The following CDKL1 variants were observed in gnomAD, a reference collection of about 807,000 sequenced individuals.
CDKL1 encodes the protein cyclin dependent kinase like 1.
Under a neutral mutation model 42.0 loss-of-function variants are expected in CDKL1, and 41 were observed. The ratio of observed to expected loss-of-function variants is 0.98; its 90% CI spans 0.76 to 1.27. The LOEUF is 1.27. CDKL1 is among the 50% of genes most tolerant of loss of function. The pLI is 0.00. For missense variants in CDKL1, 394 were observed against 428.4 expected (o/e 0.92, Z 0.71); for synonymous variants, 153 against 158.6 (o/e 0.96, Z 0.26).
At chr14:50,350,231 T>C (rs2033860976) in intron 3 of CDKL1, among the ~76,000 whole-genome samples, 1 of 152,180 alleles carries the variant, frequency 6.6e-6, no homozygotes, top group African/African-American at 2.4e-5. Flanking sequence ...GTTCTTAAAA[T>C]TGTAGCCCGT....
chr14:50,350,422 G>T (rs1244206909), intron 3 of CDKL1, among the ~76,000 whole-genome samples: 1 of 152,198 alleles, frequency 6.6e-6, no homozygotes, highest in Non-Finnish European at 1.5e-5. Flanking sequence ...TCAAAAGCAA[G>T]CTCTCCTTTC....
At chr14:50,381,080 C>CA (rs1391863506) in intron 2 of CDKL1, among the ~76,000 whole-genome samples, 2 of 152,206 alleles carry the variant, frequency 1.3e-5, no homozygotes, top group African/African-American at 4.8e-5. Flanking sequence ...AGCCCTTGGG[C>CA]ACTGCTCTGC....
Position 50,343,274 on chromosome 14 carries a change from G to T in CDKL1, c.364-1052C>A, listed in dbSNP as rs1280944014. On this transcript the variant is annotated intron_variant, in intron 4 of 9. Coordinates refer to ENST00000395834, the MANE Select transcript of CDKL1 (RefSeq NM_004196.7). ...ATGCTAGATCGTTTGCAACCTGAGA[G>T]ACCCTCTTTGGCCTGCAGCCTGAAA... 2.0e-5 allele frequency among the ~76,000 whole-genome samples: 3 copies of T among 150,128 alleles called. No individual in the cohort carries two copies. The South Asian group carries it at 6.3e-4, about 31-fold the overall frequency.
At chr14:50,389,014 G>A (rs892742274) in intron 2 of CDKL1, among the ~76,000 whole-genome samples, 5 of 148,258 alleles carry the variant, frequency 3.4e-5, no homozygotes, top group South Asian at 4.3e-4. Context: ...CAGGATAATC[G>A]CTTGAACCCA....
chr14:50,343,945 A>G (rs530815597), intron 4 of CDKL1, among the ~76,000 whole-genome samples: 1 of 152,378 alleles, frequency 6.6e-6, no homozygotes, highest in East Asian at 1.9e-4. Flanking sequence ...CAGCATCAGG[A>G]AAAATCATTT....
intron 2 of CDKL1, 23 bp downstream of exon 2, chr14:50,395,678 A>G (rs1407661916): frequency 6.4e-7 from 1 of 1,552,442 alleles, no homozygotes; most frequent in East Asian, 2.2e-5. Flanking sequence ...AAAAAGAAAA[A>G]AAAGGAAAAG....
intron 2 of CDKL1, among the ~76,000 whole-genome samples, chr14:50,359,662 G>A (rs1043094090): frequency 9.9e-5 from 15 of 151,912 alleles, no homozygotes; most frequent in Admixed American, 9.2e-4. Flanking sequence ...ATATACGAAC[G>A]ACGGCATCAG....
At chr14:50,379,097 C>T (rs1325934328) in intron 2 of CDKL1, among the ~76,000 whole-genome samples, 1 of 152,188 alleles carries the variant, frequency 6.6e-6, no homozygotes, top group African/African-American at 2.4e-5. Context: ...AGTGATCTGC[C>T]CGCCTCAGTC....
chr14:50,373,538 CT>C (rs375511606), intron 2 of CDKL1, among the ~76,000 whole-genome samples: 138 of 152,244 alleles, frequency 9.1e-4, no homozygotes, highest in Middle Eastern at 3.4e-3. Context: ...ACTGCTATAA[CT>C]TTTTTGGGAA....
chr14:50,380,079 T>C (rs1317274326), intron 2 of CDKL1: 1 of 496,382 alleles, frequency 2.0e-6, no homozygotes, highest in Non-Finnish European at 4.2e-6. Context: ...TTGGCATAGG[T>C]ATGCTTAACA....
upstream of CDKL1, chr14:50,397,278 A>T (rs777638535): frequency 2.6e-5 from 35 of 1,365,552 alleles, 1 homozygote; most frequent in South Asian, 3.9e-4. Context: ...TGTGCTGATC[A>T]GTGCTGCGGC....
intron 3 of CDKL1, 106 bp downstream of exon 3, chr14:50,358,922 G>A (rs1279263789): frequency 1.8e-6 from 2 of 1,106,184 alleles, no homozygotes; most frequent in Non-Finnish European, 2.7e-6. Flanking sequence ...TTACTGGCAT[G>A]AGCCACTGCA....
chr14:50,370,323 C>T (rs2034556270), intron 2 of CDKL1, among the ~76,000 whole-genome samples: 1 of 152,212 alleles, frequency 6.6e-6, no homozygotes, highest in Non-Finnish European at 1.5e-5. Flanking sequence ...CCTGCCTCAG[C>T]TTCCCACAGT....
At chr14:50,348,226 G>C (rs980798537) in intron 3 of CDKL1, among the ~76,000 whole-genome samples, 7 of 152,184 alleles carry the variant, frequency 4.6e-5, no homozygotes, top group African/African-American at 1.7e-4. Context: ...ATCCTCAAAA[G>C]GCTCGGGAAG....
intron 4 of CDKL1, chr14:50,343,018 G>A: frequency 2.2e-6 from 3 of 1,353,588 alleles, no homozygotes; most frequent in Non-Finnish European, 3.0e-6. Context: ...CAAATCACCT[G>A]TGGTTTCCAG....
intron 7 of CDKL1, chr14:50,335,963 G>T (rs750859898): frequency 5.1e-6 from 7 of 1,364,388 alleles, no homozygotes; most frequent in Non-Finnish European, 6.9e-6. Flanking sequence ...GCCCTTGACA[G>T]TAGCCCCTGT....
rs190539813 is a variant in CDKL1, at chr14:50,375,732, G to A, written c.169-16583C>T. On this transcript the variant is annotated intron_variant, in intron 2 of 9. Transcript: ENST00000395834. ...GAATCGCTTGAACCCGGGAGGCGGAGGTTGTAGTGAGTCGAGATGGTGCCA... is the reference window on the plus strand; with the variant it reads ...GAATCGCTTGAACCCGGGAGGCGGAAGTTGTAGTGAGTCGAGATGGTGCCA... Among the ~76,000 whole-genome samples, 1,172 of 152,206 alleles carry A rather than the reference G, an allele frequency of 7.7e-3. 11 individuals carry two copies. Among genetic ancestry groups the A allele is most frequent in the African/African-American group, 0.027 (1,110 of 41,500 alleles).
At chr14:50,359,934 A>G (rs915927447) in intron 2 of CDKL1, among the ~76,000 whole-genome samples, 2 of 151,828 alleles carry the variant, frequency 1.3e-5, no homozygotes, top group Admixed American at 6.6e-5. Flanking sequence ...TTTTTTCTGC[A>G]GAAGAAAATA....
chr14:50,373,496 G>A (rs931552357), intron 2 of CDKL1, among the ~76,000 whole-genome samples: 13 of 152,120 alleles, frequency 8.5e-5, no homozygotes, highest in African/African-American at 2.9e-4. Context: ...TAGGGAAAGG[G>A]GTGTTCTCAC....
Sources: allele counts gnomAD v4.1 joint callset (sites outside exome capture counted in the v4.1 genomes callset), GRCh38; gene constraint gnomAD v4.1.1; transcripts MANE v1.5; gene names NCBI Gene and HGNC (gene_info 2026-07-23, HGNC 2026-07-21).